The following MIPEP variants were observed in gnomAD, a reference collection of about 807,000 sequenced individuals.
MIPEP encodes mitochondrial intermediate peptidase.
A neutral mutation model predicts 90.3 loss-of-function variants in MIPEP; 79 were observed. The observed-to-expected ratio is 0.87, with a 90% CI of 0.73 to 1.05. The LOEUF (loss-of-function observed/expected upper bound fraction) is 1.05, where lower values mean the gene tolerates loss of function less well. Ranked by LOEUF, MIPEP falls within the 50% of genes least tolerant of loss-of-function variation. The pLI is 0.00. For missense variants in MIPEP, 940 were observed against 905.6 expected (o/e 1.04, Z -0.49); for synonymous variants, 334 against 315.8 (o/e 1.06, Z -0.61).
In MIPEP at chr13:23,730,457, G is replaced by A. The variant is rs374712493; in HGVS notation, c.2045-12C>T. 1 of 1,592,430 alleles carries A rather than the reference G, an allele frequency of 6.3e-7. No homozygotes were observed. Among genetic ancestry groups the A allele is most frequent in the Non-Finnish European group, 8.6e-7 (1 of 1,162,682 alleles). On this transcript the variant is annotated splice_polypyrimidine_tract_variant and intron_variant, in intron 18 of 18. Coordinates refer to ENST00000382172, the MANE Select transcript of MIPEP (RefSeq NM_005932.4). ...CTTCTGAAGCATACCTGCAAACAAA[G>A]GAAAGGTCAGAACTGCGTTCACCAG...
At chr13:23,833,461 A>C (rs939728109) in intron 14 of MIPEP, among the ~76,000 whole-genome samples, 14 of 152,232 alleles carry the variant, frequency 9.2e-5, no homozygotes, top group African/African-American at 3.4e-4. Flanking sequence ...AATTAATTCA[A>C]AGCAGCTTAG....
chr13:23,880,550 G>A (rs1050142653), intron 3 of MIPEP, among the ~76,000 whole-genome samples: 1 of 152,200 alleles, frequency 6.6e-6, no homozygotes, highest in Non-Finnish European at 1.5e-5. Context: ...TAATTCGGCA[G>A]GACACAGCAT....
intron 16 of MIPEP, among the ~76,000 whole-genome samples, chr13:23,796,129 T>G (rs1952957674): frequency 6.6e-6 from 1 of 152,128 alleles, no homozygotes; most frequent in Non-Finnish European, 1.5e-5. Context: ...TCTTAAAAAT[T>G]GACTATCGGC....
At chr13:23,843,719 G>C (rs556401153) in intron 10 of MIPEP, among the ~76,000 whole-genome samples, 1 of 152,278 alleles carries the variant, frequency 6.6e-6, no homozygotes, top group South Asian at 2.1e-4. Context: ...GCTGACAGGA[G>C]GACAGACTTC....
intron 1 of MIPEP, among the ~76,000 whole-genome samples, chr13:23,887,647 G>C (rs990040572): frequency 5.3e-5 from 8 of 152,116 alleles, no homozygotes; most frequent in Admixed American, 3.9e-4. Flanking sequence ...TCTAACACAT[G>C]GGGGAACTCA....
intron 14 of MIPEP, among the ~76,000 whole-genome samples, chr13:23,823,567 G>A (rs1953333974): frequency 1.3e-5 from 2 of 152,132 alleles, no homozygotes; most frequent in South Asian, 2.1e-4. Flanking sequence ...GGTGGCTCAC[G>A]CCTATAATCC....
chr13:23,885,896 G>A (rs1272432899), intron 2 of MIPEP, among the ~76,000 whole-genome samples: 12 of 147,252 alleles, frequency 8.1e-5, no homozygotes, highest in Admixed American at 2.0e-4. Context: ...GCAACACAGG[G>A]AGACCCTGTC....
At chr13:23,760,291 A>G (rs1190766992) in intron 16 of MIPEP, 74 bp from the exon 17 acceptor site, 1 of 1,596,102 alleles carries the variant, frequency 6.3e-7, no homozygotes, top group Non-Finnish European at 8.6e-7. Flanking sequence ...GTGAGAACAC[A>G]GTGGAGACAC....
At position 23,742,823 on chromosome 13, in the gene MIPEP, G is replaced by T. The variant is rs143727676; in HGVS notation, c.2045-12378C>A. On this transcript the variant is annotated intron_variant, in intron 18 of 18. Coordinates refer to ENST00000382172, the MANE Select transcript of MIPEP (RefSeq NM_005932.4). Reference sequence around the variant, plus strand: ...CATTTTTCTACCTGTTGACTTCTGTGATAAAGGGTCTTCACTGGGGTGATG... The same window carrying T: ...CATTTTTCTACCTGTTGACTTCTGTTATAAAGGGTCTTCACTGGGGTGATG... 6.4e-3 allele frequency among the ~76,000 whole-genome samples: 973 copies of T among 152,294 alleles called. 45 individuals are homozygous for T. Among genetic ancestry groups the T allele is most frequent in the Admixed American group, 0.058 (889 of 15,290 alleles).
rs926424069 is a variant in MIPEP at position 23,864,230 on chromosome 13, A to C, written c.944-41T>G. On this transcript the variant is annotated intron_variant, in intron 7 of 18. Coordinates refer to ENST00000382172, the MANE Select transcript of MIPEP (RefSeq NM_005932.4). ...AAAGAAAATATCTTCAATTATGTGA[A>C]ATAAAATGAACATATCTGTTAAAAT... The C allele has an allele frequency of 1.1e-5, 14 of 1,322,424 alleles. No homozygotes were observed. In the African/African-American group the frequency reaches 1.9e-4, roughly 18 times the overall value. The allele number at this position is 1,322,424 out of a possible 1,614,324, so 81.9% of individuals were successfully genotyped here. A position where few individuals can be genotyped will look rare whatever the true frequency, so the allele number is the denominator to read the frequency against.
chr13:23,873,260 A>G (rs1474509549), intron 5 of MIPEP, among the ~76,000 whole-genome samples: 4 of 152,376 alleles, frequency 2.6e-5, no homozygotes, highest in Admixed American at 2.6e-4. Context: ...GCCGGAGCAC[A>G]GCCACGAGTG....
At chr13:23,870,312 T>C in intron 5 of MIPEP, 117 bp from the exon 6 acceptor site, 1 of 488,170 alleles carries the variant, frequency 2.0e-6, no homozygotes, top group Non-Finnish European at 3.3e-6. Flanking sequence ...TATCACTTAA[T>C]AAAATATTAG....
intron 16 of MIPEP, among the ~76,000 whole-genome samples, chr13:23,792,833 G>A (rs1952912917): frequency 6.6e-6 from 1 of 152,146 alleles, no homozygotes; most frequent in African/African-American, 2.4e-5. Flanking sequence ...ACATTCAAGT[G>A]GCCTCTGAAC....
intron 14 of MIPEP, among the ~76,000 whole-genome samples, chr13:23,817,028 CTGAGACCTCAGCTTCCCTA>C (rs1244263789): frequency 6.6e-6 from 1 of 152,210 alleles, no homozygotes; most frequent in Non-Finnish European, 1.5e-5. Flanking sequence ...CTCGAGGGCC[CTGAGACCTCAGCTTCCCTA>C]TGAGCTTGAG....
chr13:23,856,368 G>C (rs996124479), intron 10 of MIPEP, among the ~76,000 whole-genome samples: 5 of 152,176 alleles, frequency 3.3e-5, no homozygotes, highest in South Asian at 2.1e-4. Context: ...AGAAAAATCA[G>C]AACAAATAAA....
At chr13:23,768,818 A>T (rs553773465) in intron 16 of MIPEP, among the ~76,000 whole-genome samples, 1 of 152,324 alleles carries the variant, frequency 6.6e-6, no homozygotes, top group Admixed American at 6.5e-5. Context: ...CTAGGAGCAC[A>T]TCTCTTCAGT....
chr13:23,815,343 T>A (rs1953221359), intron 14 of MIPEP, among the ~76,000 whole-genome samples: 1 of 150,610 alleles, frequency 6.6e-6, no homozygotes, highest in Non-Finnish European at 1.5e-5. Flanking sequence ...TGAGTCAGAG[T>A]CTCGCTGTGT....
At chr13:23,872,961 A>C (rs1408564306) in intron 5 of MIPEP, among the ~76,000 whole-genome samples, 2 of 152,248 alleles carry the variant, frequency 1.3e-5, no homozygotes, top group African/African-American at 4.8e-5. Flanking sequence ...ATATGCATTA[A>C]AAAACATGAT....
At chr13:23,777,127 G>C (rs1021122512) in intron 16 of MIPEP, among the ~76,000 whole-genome samples, 17 of 152,180 alleles carry the variant, frequency 1.1e-4, no homozygotes, top group South Asian at 2.1e-4. Flanking sequence ...GGGTGATCTC[G>C]TGGCTTATTC....
Sources: gnomAD v4.1 joint callset for allele counts (sites outside exome capture counted in the v4.1 genomes callset) on GRCh38, gnomAD v4.1.1 for gene constraint, MANE v1.5 for transcripts, NCBI Gene and HGNC (gene_info 2026-07-23, HGNC 2026-07-21) for gene names.